ANK2: variants seen among roughly 807,000 people sequenced by gnomAD.
The protein encoded by ANK2 is ankyrin 2.
In ANK2, 83 loss-of-function variants were observed where a neutral mutation model predicts 360.5. The ratio of observed to expected loss-of-function variants is 0.23; its 90% confidence interval spans 0.19 to 0.28. The LOEUF is 0.28. ANK2 is among the 10% of genes least tolerant of loss of function. The pLI, the probability that ANK2 is intolerant of heterozygous loss-of-function variation, is 1.00. For synonymous variants in ANK2, 1,740 were observed against 1,759.5 expected, an observed-to-expected ratio of 0.99 and a Z score of 0.28; for missense variants, 4,201 against 4,795.7, an observed-to-expected ratio of 0.88 and a Z score of 3.66.
At chr4:112,756,070 T>C in the ANK2 span, among the ~76,000 whole-genome samples, 1 of 151,978 alleles carries the variant, frequency 6.6e-6, no homozygotes, top group Non-Finnish European at 1.5e-5. Flanking sequence ...AAACCCCATC[T>C]CTACTAAAAA....
chr4:113,323,893 G>A (rs1280171526), intron 26 of ANK2: 1 of 1,109,612 alleles, frequency 9.0e-7, no homozygotes, highest in Non-Finnish European at 1.3e-6. Flanking sequence ...ATGCTTTAGT[G>A]TGAAGATACC....
intron 1 of ANK2, among the ~76,000 whole-genome samples, chr4:112,886,591 AG>A (rs1203988940): frequency 6.6e-6 from 1 of 152,044 alleles, no homozygotes; most frequent in Non-Finnish European, 1.5e-5. Context: ...GAACCTGGGA[AG>A]TGGAAGTTGC....
chr4:112,957,651 C>T (rs1382337754), intron 2 of ANK2, among the ~76,000 whole-genome samples: 1 of 151,162 alleles, frequency 6.6e-6, no homozygotes, highest in African/African-American at 2.4e-5. Context: ...GGGCTGACCC[C>T]CCCACCTCCC....
chr4:113,103,019 A>G (rs2093124707), intron 1 of ANK2, among the ~76,000 whole-genome samples: 1 of 152,184 alleles, frequency 6.6e-6, no homozygotes, highest in Admixed American at 6.5e-5. Flanking sequence ...TGCATTCTTC[A>G]CAGAATTGCT....
chr4:112,839,071 T>C (rs1166192562), intron 1 of ANK2, among the ~76,000 whole-genome samples: 2 of 152,208 alleles, frequency 1.3e-5, no homozygotes, highest in Non-Finnish European at 2.9e-5. Flanking sequence ...AATCTTTCCA[T>C]TCTCAGAAGC....
chr4:112,831,843 G>A (rs768778461), intron 1 of ANK2, among the ~76,000 whole-genome samples: 1 of 152,046 alleles, frequency 6.6e-6, no homozygotes, highest in Non-Finnish European at 1.5e-5. Context: ...GAACAATTCC[G>A]GACGTGCCAC....
At chr4:113,147,866 T>G (rs1373285780) in intron 1 of ANK2, among the ~76,000 whole-genome samples, 1 of 152,144 alleles carries the variant, frequency 6.6e-6, no homozygotes, top group Non-Finnish European at 1.5e-5. Flanking sequence ...CAGGACAGAG[T>G]GAAGAACAAA....
intron 2 of ANK2, among the ~76,000 whole-genome samples, chr4:112,981,774 G>A (rs1002427041): frequency 1.3e-5 from 2 of 152,196 alleles, no homozygotes; most frequent in Non-Finnish European, 2.9e-5. Flanking sequence ...CTAAAGAAAG[G>A]AAGTTTGGGC....
chr4:113,369,209 A>G (rs1013298862), intron 42 of ANK2, among the ~76,000 whole-genome samples: 2 of 152,206 alleles, frequency 1.3e-5, no homozygotes, highest in African/African-American at 4.8e-5. Context: ...TGAGTTATAA[A>G]AGAAAAGATG....
chr4:112,743,780 G>C, the ANK2 span, among the ~76,000 whole-genome samples: 1 of 151,684 alleles, frequency 6.6e-6, no homozygotes, highest in Non-Finnish European at 1.5e-5. Flanking sequence ...CCTGACCTCA[G>C]GTGATCTGAC....
At chr4:112,900,392 A>G (rs1023552269) in intron 1 of ANK2, among the ~76,000 whole-genome samples, 3 of 152,176 alleles carry the variant, frequency 2.0e-5, no homozygotes, top group Non-Finnish European at 4.4e-5. Context: ...CAGGATCCGA[A>G]CATGGTCTGT....
chr4:112,950,435 G>C (rs1425440998), intron 2 of ANK2, among the ~76,000 whole-genome samples: 2 of 151,818 alleles, frequency 1.3e-5, no homozygotes, highest in African/African-American at 4.8e-5. Flanking sequence ...ATGAGGTCAG[G>C]AGATCGAGAC....
chr4:113,305,131 G>T (rs888739029), intron 23 of ANK2, among the ~76,000 whole-genome samples: 30 of 151,450 alleles, frequency 2.0e-4, no homozygotes, highest in African/African-American at 7.3e-4. Flanking sequence ...ACGAGGTCAG[G>T]AGATCGAGAC....
chr4:113,277,650 C>T (rs984016579), intron 15 of ANK2, among the ~76,000 whole-genome samples, 187 bp from the exon 16 acceptor site: 1 of 152,168 alleles, frequency 6.6e-6, no homozygotes, highest in Non-Finnish European at 1.5e-5. Flanking sequence ...TCTATCAAGC[C>T]AAACTTTTGT....
chr4:113,064,610 C>T (rs952644445), intron 1 of ANK2, among the ~76,000 whole-genome samples: 1 of 152,312 alleles, frequency 6.6e-6, no homozygotes, highest in Admixed American at 6.5e-5. Flanking sequence ...ACCAACCACC[C>T]TTACGTCAAG....
chr4:112,812,717 G>A, the ANK2 span, among the ~76,000 whole-genome samples: 1 of 152,152 alleles, frequency 6.6e-6, no homozygotes, highest in African/African-American at 2.4e-5. Flanking sequence ...TTTTTACATA[G>A]CCATAGTAAC....
chr4:112,824,670 AT>A (rs2058022527), intron 1 of ANK2, among the ~76,000 whole-genome samples: 1 of 151,722 alleles, frequency 6.6e-6, no homozygotes, highest in Admixed American at 6.6e-5. Context: ...CACCTGGCTA[AT>A]TTTTGTATTT....
intron 27 of ANK2, among the ~76,000 whole-genome samples, chr4:113,331,082 C>T (rs1390144378): frequency 1.3e-5 from 2 of 152,132 alleles, no homozygotes; most frequent in Non-Finnish European, 2.9e-5. Context: ...CTTCTTTCTT[C>T]TGTTTGTTTG....
chr4:112,757,191 C>A, the ANK2 span, among the ~76,000 whole-genome samples: 1 of 150,546 alleles, frequency 6.6e-6, no homozygotes, highest in South Asian at 2.1e-4. Flanking sequence ...CGGCTCACTG[C>A]AACCTCCGCT....
Sources: allele counts gnomAD v4.1 joint callset (sites outside exome capture counted in the v4.1 genomes callset), GRCh38; gene constraint gnomAD v4.1.1; transcripts MANE v1.5; gene names NCBI Gene and HGNC (gene_info 2026-07-23, HGNC 2026-07-21).